The following CTNNA2 variants were observed in gnomAD, a reference collection of about 807,000 sequenced individuals.
The protein encoded by CTNNA2 is catenin alpha-2.
CTNNA2 carries 42 observed loss-of-function variants against 101.0 expected under a neutral mutation model. That is an observed-to-expected ratio of 0.42 (90% CI 0.32 to 0.54). CTNNA2 has a LOEUF of 0.54. Ranked by LOEUF, CTNNA2 falls within the 20% of genes least tolerant of loss-of-function variation. The pLI, the probability that CTNNA2 is intolerant of heterozygous loss-of-function variation, is 0.14. For synonymous variants in CTNNA2, 450 were observed against 456.4 expected (o/e 0.99, Z 0.18); for missense variants, 871 against 1,223.1 (o/e 0.71, Z 4.29).
chr2:79,935,039 G>C (rs1217663270), intron 7 of CTNNA2, among the ~76,000 whole-genome samples: 1 of 152,170 alleles, frequency 6.6e-6, no homozygotes, highest in African/African-American at 2.4e-5. Flanking sequence ...TTGCCAGAGA[G>C]GGGGAGCAGA....
intron 1 of CTNNA2, among the ~76,000 whole-genome samples, chr2:79,581,529 GA>G (rs919149009): frequency 1.7e-4 from 25 of 145,162 alleles, no homozygotes; most frequent in Non-Finnish European, 2.7e-4. Flanking sequence ...TATCTCAAAA[GA>G]AAAAAAAAAG....
chr2:80,065,521 T>C (rs910123886), intron 7 of CTNNA2, among the ~76,000 whole-genome samples: 1 of 151,986 alleles, frequency 6.6e-6, no homozygotes, highest in African/African-American at 2.4e-5. Flanking sequence ...ACCTAGCTAA[T>C]TTCTGTATTT....
chr2:80,124,083 C>G (rs1406785570), intron 7 of CTNNA2, among the ~76,000 whole-genome samples: 1 of 152,140 alleles, frequency 6.6e-6, no homozygotes, highest in African/African-American at 2.4e-5. Flanking sequence ...TTCTGCCTCT[C>G]ACATCCATCC....
chr2:80,105,052 G>C (rs1036720369), intron 7 of CTNNA2, among the ~76,000 whole-genome samples: 2 of 152,126 alleles, frequency 1.3e-5, no homozygotes, highest in African/African-American at 4.8e-5. Flanking sequence ...AAAGTTTCGT[G>C]CTTCTTCAAA....
chr2:79,361,428 C>T (rs933381899), intron 3 of CTNNA2, among the ~76,000 whole-genome samples: 9 of 152,020 alleles, frequency 5.9e-5, no homozygotes, highest in Non-Finnish European at 1.3e-4. Context: ...ATGGCAACAC[C>T]GATTAGGGTT....
intron 12 of CTNNA2, among the ~76,000 whole-genome samples, chr2:80,565,166 T>C (rs910730496): frequency 1.3e-5 from 2 of 152,148 alleles, no homozygotes; most frequent in Admixed American, 1.3e-4. Flanking sequence ...TTTGAATTGT[T>C]TTGTTTTTAT....
chr2:80,343,711 T>C (rs1488651720), intron 7 of CTNNA2, among the ~76,000 whole-genome samples: 1 of 152,142 alleles, frequency 6.6e-6, no homozygotes, highest in Admixed American at 6.5e-5. Context: ...TTTGAACCAA[T>C]AAAAGGAATT....
At chr2:79,732,168 A>C (rs1254052709) in intron 2 of CTNNA2, among the ~76,000 whole-genome samples, 1 of 151,960 alleles carries the variant, frequency 6.6e-6, no homozygotes, top group African/African-American at 2.4e-5. Context: ...CATAAGAAAA[A>C]GTTTGAAATC....
At chr2:80,469,904 T>G (rs116710567) in intron 9 of CTNNA2, among the ~76,000 whole-genome samples, 57 of 152,324 alleles carry the variant, frequency 3.7e-4, no homozygotes, top group Non-Finnish European at 7.5e-4. Flanking sequence ...CATCATGTTC[T>G]TGCAATGGCC....
At chr2:80,203,002 G>T (rs935799596) in intron 7 of CTNNA2, among the ~76,000 whole-genome samples, 1 of 152,192 alleles carries the variant, frequency 6.6e-6, no homozygotes, top group African/African-American at 2.4e-5. Context: ...GACAAAGAGA[G>T]CTTGTGCAGA....
chr2:80,429,834 G>A (rs764839272), intron 9 of CTNNA2, among the ~76,000 whole-genome samples: 1 of 152,122 alleles, frequency 6.6e-6, no homozygotes, highest in Non-Finnish European at 1.5e-5. Context: ...ACTAAATGCC[G>A]CAGACTTTCA....
chr2:79,856,945 C>A (rs1256956290), intron 3 of CTNNA2, among the ~76,000 whole-genome samples: 1 of 152,174 alleles, frequency 6.6e-6, no homozygotes, highest in Non-Finnish European at 1.5e-5. Context: ...TGTAATATGA[C>A]TAAAATAATC....
intron 7 of CTNNA2, chr2:80,299,441 GACA>G (rs1280696558): frequency 6.6e-6 from 1 of 151,850 alleles, no homozygotes; most frequent in Non-Finnish European, 1.5e-5. Context: ...CGTTTGTGTA[GACA>G]ACGTTTGCTT....
At chr2:79,365,445 G>A (rs1325899269) in intron 3 of CTNNA2, among the ~76,000 whole-genome samples, 4 of 151,714 alleles carry the variant, frequency 2.6e-5, no homozygotes, top group East Asian at 3.9e-4. Flanking sequence ...CAACATAGTG[G>A]GAACTCCATC....
intron 6 of CTNNA2, among the ~76,000 whole-genome samples, chr2:79,896,959 A>G (rs1684757787): frequency 1.3e-5 from 2 of 152,228 alleles, no homozygotes; most frequent in South Asian, 4.1e-4. Context: ...GGAGAGACGA[A>G]GTTTGAGAGG....
intron 8 of CTNNA2, among the ~76,000 whole-genome samples, chr2:80,402,409 T>C (rs909427789): frequency 6.6e-6 from 1 of 152,072 alleles, no homozygotes; most frequent in Admixed American, 6.6e-5. Context: ...TTGGGGTGGG[T>C]GGGGCTAAAA....
At chr2:79,238,759 C>T (rs1393361550) in intron 2 of CTNNA2, among the ~76,000 whole-genome samples, 1 of 152,124 alleles carries the variant, frequency 6.6e-6, no homozygotes, top group Non-Finnish European at 1.5e-5. Context: ...TGTTCTTTCA[C>T]AGCCATTATC....
At chr2:79,289,913 G>A (rs2104373570) in intron 2 of CTNNA2, among the ~76,000 whole-genome samples, 1 of 152,250 alleles carries the variant, frequency 6.6e-6, no homozygotes, top group South Asian at 2.1e-4. Flanking sequence ...CTTACTAGCT[G>A]GAGAACTTTG....
intron 7 of CTNNA2, among the ~76,000 whole-genome samples, chr2:80,045,304 C>A (rs1408496196): frequency 6.6e-6 from 1 of 152,180 alleles, no homozygotes; most frequent in Non-Finnish European, 1.5e-5. Flanking sequence ...AAAAGTGAGC[C>A]ATGTTTTAAA....
Sources: gnomAD v4.1 joint callset for allele counts (sites outside exome capture counted in the v4.1 genomes callset) on GRCh38, gnomAD v4.1.1 for gene constraint, MANE v1.5 for transcripts, NCBI Gene and HGNC (gene_info 2026-07-23, HGNC 2026-07-21) for gene names.